The following SLAMF7 variants were observed in gnomAD, a reference collection of about 807,000 sequenced individuals.
SLAMF7 encodes the protein SLAM family member 7.
SLAMF7 carries 26 observed loss-of-function variants against 34.1 expected under a neutral mutation model. The observed-to-expected ratio is 0.76, with a 90% CI of 0.56 to 1.06. The LOEUF is 1.06. Ranked by LOEUF, SLAMF7 falls within the 50% of genes least tolerant of loss-of-function variation. The probability of loss-of-function intolerance (pLI) is 0.00; values close to 1 mark genes in which losing one functional copy is unlikely to be tolerated. For missense variants in SLAMF7, 399 were observed against 402.5 expected (o/e 0.99, Z 0.07); for synonymous variants, 171 against 156.4 (o/e 1.09, Z -0.70).
At chr1:160,749,208 T>C (rs972418399) in intron 2 of SLAMF7, among the ~76,000 whole-genome samples, 17 of 152,340 alleles carry the variant, frequency 1.1e-4, no homozygotes, top group East Asian at 1.9e-4. Context: ...ACAGAAGATA[T>C]GTATTCTGCA....
chr1:160,750,499 G>T, intron 4 of SLAMF7, 76 bp downstream of exon 4: 1 of 1,537,654 alleles, frequency 6.5e-7, no homozygotes, highest in South Asian at 1.3e-5. Context: ...CACATATAGA[G>T]CTGTGTGCCA....
intron 1 of SLAMF7, among the ~76,000 whole-genome samples, chr1:160,746,628 G>A (rs188297986): frequency 1.3e-5 from 2 of 152,348 alleles, no homozygotes; most frequent in Admixed American, 6.5e-5. Context: ...AGGAAATACA[G>A]CATAGGGTAA....
intron 1 of SLAMF7, among the ~76,000 whole-genome samples, chr1:160,745,887 C>A (rs1233858808): frequency 6.6e-6 from 1 of 152,176 alleles, no homozygotes; most frequent in African/African-American, 2.4e-5. Context: ...TACATGACAA[C>A]TCTTATAATT....
At chr1:160,751,967 A>G in intron 5 of SLAMF7, 3 of 379,398 alleles carry the variant, frequency 7.9e-6, no homozygotes, top group Non-Finnish European at 1.4e-5. Context: ...AAAATAATGT[A>G]ATGGCTTCCT....
rs150762754 is a variant in SLAMF7, at chr1:160,751,070, C to T, written c.770-275C>T. 7.5e-6 allele frequency: 3 copies of T among 401,742 alleles called. No homozygotes were observed. The East Asian group carries it at 1.6e-4, about 21-fold the overall frequency. 24.9% of individuals were successfully genotyped at this position (401,742 alleles called of 1,614,324 possible). ...GAAATCTCCCTTCCCTCCTGGAAGC[C>T]CCTCTGAAAGTGTCTTTGACTTTCT... is the stretch of plus-strand genomic sequence containing the variant. On this transcript the variant is annotated intron_variant, in intron 4 of 6. Coordinates refer to ENST00000368043, the MANE Select transcript of SLAMF7 (RefSeq NM_021181.5).
At position 160,748,228 on chromosome 1, in the gene SLAMF7, C is replaced by T. The variant is rs766493799; in HGVS notation, c.90C>T (p.Val30=). Residue 30 remains valine, a synonymous_variant, in exon 2 of 7, where the codon GTC becomes GTT. Transcript: ENST00000368043. ...SAASGPVKEL[V]GSVGGAVTFP... The stretch of plus-strand genomic sequence containing the variant: ...CCTCTGGACCCGTGAAAGAGCTGGT[C>T]GGTTCCGTTGGTGGGGCCGTGACTT... 3.1e-6 allele frequency: 5 copies of T among 1,613,836 alleles called. No individual in the cohort carries two copies. Among genetic ancestry groups the T allele is most frequent in the South Asian group, 1.1e-5 (1 of 91,050 alleles).
chr1:160,747,461 T>C (rs902922015), intron 1 of SLAMF7, among the ~76,000 whole-genome samples: 2 of 152,098 alleles, frequency 1.3e-5, no homozygotes, highest in African/African-American at 4.8e-5. Context: ...GGCAGATCAC[T>C]TGAGGTCAGG....
intron 4 of SLAMF7, chr1:160,750,843 A>T (rs1664515738): frequency 1.4e-5 from 3 of 215,766 alleles, no homozygotes; most frequent in African/African-American, 6.9e-5. Flanking sequence ...CAAACCACCC[A>T]CACCCTTTCC....
At position 160,750,051 on chromosome 1, in the gene SLAMF7, A is replaced by G; in HGVS notation, c.607A>G (p.Arg203Gly). The change falls in exon 3 of 7, where the codon AGA (arginine) becomes GGA (glycine). Residue 203 changes from arginine to glycine, a missense_variant. Coordinates refer to ENST00000368043, the MANE Select transcript of SLAMF7 (RefSeq NM_021181.5). ...FICVARNPVS[R>G]NFSSPILARK... ...CTGCGTTGCCAGGAACCCTGTCAGC[A>G]GAAACTTCTCAAGCCCCATCCTTGC... 1.2e-6 allele frequency: 2 copies of G among 1,614,154 alleles called. No individual in the cohort carries two copies. Among genetic ancestry groups the G allele is most frequent in the South Asian group, 2.2e-5 (2 of 91,080 alleles).
intron 1 of SLAMF7, among the ~76,000 whole-genome samples, chr1:160,740,283 TAA>T (rs66898718): frequency 2.1e-4 from 30 of 141,710 alleles, no homozygotes; most frequent in Middle Eastern, 7.4e-3. Context: ...GCCCTCACTT[TAA>T]AAAAAAAAAA....
intron 1 of SLAMF7, among the ~76,000 whole-genome samples, chr1:160,745,558 AAGTCAGGAGTTAGC>A (rs1276221072): frequency 6.6e-6 from 1 of 152,120 alleles, no homozygotes; most frequent in Non-Finnish European, 1.5e-5. Context: ...TTTTCTCATG[AAGTCAGGAGTTAGC>A]AAATTTTTTC....
chr1:160,742,192 C>A (rs1017748164), intron 1 of SLAMF7, among the ~76,000 whole-genome samples: 1 of 152,076 alleles, frequency 6.6e-6, no homozygotes, highest in Non-Finnish European at 1.5e-5. Context: ...AGGTGACAAC[C>A]AAGAGGAAAG....
At position 160,739,312 on chromosome 1, in the gene SLAMF7, C is replaced by T. The variant is rs1328824930; in HGVS notation, c.11C>T (p.Ser4Phe). 6.2e-7 allele frequency: 1 copy of T among 1,613,880 alleles called. No homozygotes were observed. The highest frequency in any genetic ancestry group is 2.2e-5 in the East Asian group (1 of 44,878). MAGSPTCLTLIYIL... is the reference protein window; with the variant it reads MAGFPTCLTLIYIL... ...CTTCCAGAGAGCAATATGGCTGGTTCCCCAACATGCCTCACCCTCATCTAT... is the reference window on the plus strand; with the variant it reads ...CTTCCAGAGAGCAATATGGCTGGTTTCCCAACATGCCTCACCCTCATCTAT... The change falls in exon 1 of 7, where the codon TCC becomes TTC. Residue 4 changes from serine (S) to phenylalanine (F), a missense_variant. Physicochemically the swap from Ser to Phe is radical, Grantham distance 155. Coordinates refer to ENST00000368043, the MANE Select transcript of SLAMF7 (RefSeq NM_021181.5).
intron 5 of SLAMF7, 128 bp from the exon 6 acceptor site, chr1:160,752,058 C>G (rs1255344459): frequency 1.4e-6 from 1 of 695,678 alleles, no homozygotes; most frequent in Non-Finnish European, 2.5e-6. Flanking sequence ...CCAGAACCCT[C>G]CTTTTCCTCT....
chr1:160,744,367 G>A (rs1213612144), intron 1 of SLAMF7, among the ~76,000 whole-genome samples: 1 of 152,134 alleles, frequency 6.6e-6, no homozygotes, highest in African/African-American at 2.4e-5. Flanking sequence ...TCCGAGAATG[G>A]CATGGAGCTA....
At chr1:160,741,408 A>G (rs994417472) in intron 1 of SLAMF7, among the ~76,000 whole-genome samples, 3 of 152,150 alleles carry the variant, frequency 2.0e-5, no homozygotes, top group African/African-American at 7.2e-5. Flanking sequence ...GGCTAGAGTG[A>G]TGGGAAAGGT....
rs527625363 is a variant in SLAMF7, at chr1:160,741,094, G to T, written c.55+1738G>T. 8.9e-4 allele frequency among the ~76,000 whole-genome samples: 135 copies of T among 152,308 alleles called. 1 individual carries two copies. The highest frequency in any genetic ancestry group is 1.1e-3 in the Non-Finnish European group (76 of 68,026). ...GGTAGAAACTGGAAAGGCCCGAGAA[G>T]AACGGGTAGCTCTGTTTCTGGGATA... is the stretch of plus-strand genomic sequence containing the variant. On this transcript the variant is annotated intron_variant, in intron 1 of 6. Coordinates refer to ENST00000368043, the MANE Select transcript of SLAMF7 (RefSeq NM_021181.5).
At chr1:160,739,940 G>T (rs1663596485) in intron 1 of SLAMF7, among the ~76,000 whole-genome samples, 2 of 152,132 alleles carry the variant, frequency 1.3e-5, no homozygotes, top group South Asian at 2.1e-4. Context: ...TTCTCCACCT[G>T]TCACTGGTAT....
At position 160,751,357 on chromosome 1, in the gene SLAMF7, A is replaced by G. The variant is rs765616054; in HGVS notation, c.782A>G (p.Glu261Gly). Residue 261 changes from glutamate (E) to glycine (G), a missense_variant, in exon 5 of 7, where the codon GAG (glutamate) becomes GGG (glycine). Transcript: ENST00000368043. Reference sequence around the variant, plus strand: ...AACTTGCTTTTAGAGTACATTGAAGAGAAGAAGAGAGTGGACATTTGTCGG... The same window carrying G: ...AACTTGCTTTTAGAGTACATTGAAGGGAAGAAGAGAGTGGACATTTGTCGG... ...KRERQEEYIE[E>G]KKRVDICRET... 8.7e-6 allele frequency: 14 copies of G among 1,613,540 alleles called. No individual in the cohort carries two copies. Among genetic ancestry groups the G allele is most frequent in the Admixed American group, 3.3e-5 (2 of 59,994 alleles).
Sources: gnomAD v4.1 joint callset for allele counts (sites outside exome capture counted in the v4.1 genomes callset) on GRCh38, gnomAD v4.1.1 for gene constraint, MANE v1.5 for transcripts, NCBI Gene and HGNC (gene_info 2026-07-23, HGNC 2026-07-21) for gene names.